OR2F1: variants seen among roughly 807,000 people sequenced by gnomAD.
OR2F1 encodes olfactory receptor 2F1.
For synonymous variants in OR2F1, 146 were observed against 155.3 expected, an observed-to-expected ratio of 0.94 and a Z score of 0.44; for missense variants, 389 against 378.2, an observed-to-expected ratio of 1.03 and a Z score of -0.24.
At chr7:143,959,844 C>G in intron 2 of OR2F1, 104 bp from the exon 3 acceptor site, 1 of 715,628 alleles carries the variant, frequency 1.4e-6, no homozygotes, top group East Asian at 2.6e-5. Flanking sequence ...AATAAATGAT[C>G]TAAAATACCT....
chr7:143,959,846 A>G (rs2050310535), intron 2 of OR2F1, 102 bp from the exon 3 acceptor site: 1 of 734,554 alleles, frequency 1.4e-6, no homozygotes, highest in East Asian at 2.6e-5. Flanking sequence ...TAAATGATCT[A>G]AAATACCTGC....
At chr7:143,956,718 T>A (rs2050288842) in intron 1 of OR2F1, among the ~76,000 whole-genome samples, 1 of 152,140 alleles carries the variant, frequency 6.6e-6, no homozygotes, top group Non-Finnish European at 1.5e-5. Flanking sequence ...GTATTTTATA[T>A]AATTAACTTG....
At chr7:143,955,576 T>A (rs145217587) in intron 1 of OR2F1, among the ~76,000 whole-genome samples, 62 of 152,292 alleles carry the variant, frequency 4.1e-4, no homozygotes, top group Non-Finnish European at 6.3e-4. Flanking sequence ...TATCACACAT[T>A]GTTTTCTATT....
At chr7:143,956,320 A>T (rs536240460) in intron 1 of OR2F1, among the ~76,000 whole-genome samples, 1 of 147,362 alleles carries the variant, frequency 6.8e-6, no homozygotes, top group African/African-American at 2.6e-5. Flanking sequence ...CATCTGGCTC[A>T]TACATATTTC....
chr7:143,958,098 T>C (rs570412695), intron 1 of OR2F1, among the ~76,000 whole-genome samples: 1 of 152,248 alleles, frequency 6.6e-6, no homozygotes, highest in South Asian at 2.1e-4. Flanking sequence ...GTCTTTTCCC[T>C]CATGATAGGT....
chr7:143,960,430 A>T lies in OR2F1; in HGVS notation c.460A>T (p.Ile154Phe), dbSNP rs1267678179. 1.9e-6 allele frequency: 3 copies of T among 1,614,168 alleles called. No homozygotes were observed. The highest frequency in any genetic ancestry group is 2.5e-6 in the Non-Finnish European group (3 of 1,180,040). Residue 154 changes from isoleucine (I) to phenylalanine (F), a missense_variant, in exon 3 of 3, where the codon ATC (isoleucine) becomes TTC (phenylalanine). Ile to Phe is a conservative substitution (Grantham distance 21). Coordinates refer to ENST00000641412, the MANE Select transcript of OR2F1 (RefSeq NM_012369.3). ...CATCACATCCTGGGTCAGTGGCTTC[A>T]TCAGCTCTCCTGTGCAGACTGCTAT... ...LAITSWVSGF[I>F]SSPVQTAITF...
chr7:143,960,598 C>T lies in OR2F1; in HGVS notation c.628C>T (p.Pro210Ser). ...GTCTAGCATTGTTCTTCTGATGACA[C>T]CCTTCTGCCTGGTTCTTTTGTCCTA... ...MVSSIVLLMT[P>S]FCLVLLSYIQ... Residue 210 changes from proline to serine, a missense_variant, in exon 3 of 3, where the codon CCC becomes TCC. Transcript: ENST00000641412. 1 of 1,614,200 alleles carries T rather than the reference C, an allele frequency of 6.2e-7. No individual in the cohort carries two copies. Among genetic ancestry groups the T allele is most frequent in the South Asian group, 1.1e-5 (1 of 91,082 alleles).
Position 143,960,101 on chromosome 7 carries a change from T to C in OR2F1, c.131T>C (p.Leu44Pro). 1.9e-6 allele frequency: 3 copies of C among 1,614,180 alleles called. No homozygotes were observed. The highest frequency in any genetic ancestry group is 1.1e-5 in the South Asian group (1 of 91,082). Residue 44 changes from leucine (L) to proline (P), a missense_variant, in exon 3 of 3, where the codon CTC (leucine) becomes CCC (proline). Transcript: ENST00000641412. ...GTGGTGACCGTGCTGGGGAACTGTCTCATTGTCCTTCTGATCAGACTGGAC... is the reference window on the plus strand; with the variant it reads ...GTGGTGACCGTGCTGGGGAACTGTCCCATTGTCCTTCTGATCAGACTGGAC... ...MYVVTVLGNC[L>P]IVLLIRLDSR...
chr7:143,960,599 C>A lies in OR2F1; in HGVS notation c.629C>A (p.Pro210His), dbSNP rs780001843. 1.5e-5 allele frequency: 24 copies of A among 1,614,038 alleles called. No individual in the cohort carries two copies. In the Admixed American group the frequency reaches 2.0e-4, roughly 13 times the overall value. The change falls in exon 3 of 3, where the codon CCC becomes CAC. Residue 210 changes from proline (P) to histidine (H), a missense_variant. Physicochemically the swap from Pro to His is moderately conservative, Grantham distance 77. Transcript: ENST00000641412. The part of the protein sequence containing the change: ...MVSSIVLLMT[P>H]FCLVLLSYIQ... ...TCTAGCATTGTTCTTCTGATGACAC[C>A]CTTCTGCCTGGTTCTTTTGTCCTAC... is the stretch of plus-strand genomic sequence containing the variant.
Position 143,960,831 on chromosome 7 carries a change from CA to C in OR2F1, c.862del (p.Met288Ter). 6.2e-7 allele frequency: 1 copy of C among 1,614,126 alleles called. No individual in the cohort carries two copies. Among genetic ancestry groups the C allele is most frequent in the Non-Finnish European group, 8.5e-7 (1 of 1,180,020 alleles). On this transcript the variant is annotated frameshift_variant, in exon 3 of 3. Coordinates refer to ENST00000641412, the MANE Select transcript of OR2F1 (RefSeq NM_012369.3). LOFTEE classifies it high-confidence loss of function. The stretch of plus-strand genomic sequence containing the variant: ...CCATTTTAACACCAATGCTGAACCC[CA>C]TGATTTACAGCCTAAGGAATAAAGA... ...YAILTPMLNP[M>X]IYSLRNKEVK...
intron 1 of OR2F1, 66 bp from the exon 2 acceptor site, chr7:143,958,887 C>T (rs186529263): frequency 2.6e-5 from 4 of 151,812 alleles, no homozygotes; most frequent in African/African-American, 4.8e-5. Context: ...TAGACATCTG[C>T]TTTCTCTTCC....
chr7:143,962,048 G>A lies in OR2F1; in HGVS notation c.*1124G>A, dbSNP rs1740664290. On this transcript the variant is annotated 3_prime_UTR_variant, in exon 3 of 3. Transcript: ENST00000641412. The stretch of plus-strand genomic sequence containing the variant: ...AAGGAGCATAACTGATGTAAAAGGA[G>A]AAGACATAATTGAAAAAGTGGAAAG... The A allele has an allele frequency of 6.6e-6, 1 of 152,188 alleles. No homozygotes were observed. Among genetic ancestry groups the A allele is most frequent in the South Asian group, 2.1e-4 (1 of 4,836 alleles). The allele number at this position is 152,188 out of a possible 1,614,324, so 9.4% of individuals were successfully genotyped here.
Position 143,960,055 on chromosome 7 carries a change from G to C in OR2F1, c.85G>C (p.Val29Leu). The change falls in exon 3 of 3, where the codon GTC (valine) becomes CTC (leucine). Residue 29 changes from valine (V) to leucine (L), a missense_variant. Transcript: ENST00000641412. ...CTGGGACACTCGGGTCTCCCTGTTT[G>C]TCCTGTTCTTGGTCATGTATGTGGT... Reference protein sequence around the residue: ...SDWDTRVSLFVLFLVMYVVTV... With the variant: ...SDWDTRVSLFLLFLVMYVVTV... 6.2e-7 allele frequency: 1 copy of C among 1,614,090 alleles called. No homozygotes were observed. Among genetic ancestry groups the C allele is most frequent in the Non-Finnish European group, 8.5e-7 (1 of 1,180,024 alleles).
In OR2F1 at chr7:143,964,252, T is replaced by C. The variant is rs1400638216; in HGVS notation, c.*3328T>C. The C allele has an allele frequency of 6.6e-6, 1 of 152,110 alleles. No homozygotes were observed. The highest frequency in any genetic ancestry group is 6.6e-5 in the Admixed American group (1 of 15,264). The allele number at this position is 152,110 out of a possible 1,614,324, so 9.4% of individuals were successfully genotyped here. ...CTAAACTTTATTGTTTATTTAGCCA[T>C]TAAATAGAAAAAATTTAAAAAGACA... On this transcript the variant is annotated 3_prime_UTR_variant, in exon 3 of 3. Coordinates refer to ENST00000641412, the MANE Select transcript of OR2F1 (RefSeq NM_012369.3).
intron 2 of OR2F1, 37 bp from the exon 3 acceptor site, chr7:143,959,901 CTTATAGTTAT>C: frequency 2.4e-6 from 3 of 1,251,604 alleles, no homozygotes; most frequent in Non-Finnish European, 3.4e-6. Flanking sequence ...ACAAGTAATT[CTTATAGTTAT>C]TCAACAGCTT....
intron 1 of OR2F1, among the ~76,000 whole-genome samples, chr7:143,956,791 G>A (rs2050289380): frequency 6.6e-6 from 1 of 152,064 alleles, no homozygotes; most frequent in African/African-American, 2.4e-5. Flanking sequence ...TACAAGTAAG[G>A]TCTGGCAACT....
Position 143,954,876 on chromosome 7 carries a change from A to G in OR2F1, c.-407A>G, listed in dbSNP as rs2050273384. 6.6e-6 allele frequency: 1 copy of G among 152,184 alleles called. No individual in the cohort carries two copies. Among genetic ancestry groups the G allele is most frequent in the African/African-American group, 2.4e-5 (1 of 41,460 alleles). 9.4% of individuals were successfully genotyped at this position (152,184 alleles called of 1,614,324 possible). ...AAAATAGATTCCATGGAATCAATGA[A>G]TTGATTTGCTTTACTAAAGAGAGAT... is the stretch of plus-strand genomic sequence containing the variant. On this transcript the variant is annotated 5_prime_UTR_variant, in exon 1 of 3. Transcript: ENST00000641412.
rs900189282 is a variant in OR2F1 at position 143,955,020 on chromosome 7, T to C, written c.-263T>C. On this transcript the variant is annotated 5_prime_UTR_variant, in exon 1 of 3. Coordinates refer to ENST00000641412, the MANE Select transcript of OR2F1 (RefSeq NM_012369.3). ...TCTTTGTCGTTGATAGAAGAATATTTCAGTCCTGATATTTGCTGTAACTAA... is the reference window on the plus strand; with the variant it reads ...TCTTTGTCGTTGATAGAAGAATATTCCAGTCCTGATATTTGCTGTAACTAA... 1 of 152,136 alleles carries C rather than the reference T, an allele frequency of 6.6e-6. No individual in the cohort carries two copies. The allele number at this position is 152,136 out of a possible 1,614,324, so 9.4% of individuals were successfully genotyped here.
At position 143,960,221 on chromosome 7, in the gene OR2F1, A is replaced by T; in HGVS notation, c.251A>T (p.His84Leu). 6.2e-7 allele frequency: 1 copy of T among 1,614,038 alleles called. No individual in the cohort carries two copies. The highest frequency in any genetic ancestry group is 8.5e-7 in the Non-Finnish European group (1 of 1,180,016). The change falls in exon 3 of 3, where the codon CAT (histidine) becomes CTT (leucine). Residue 84 changes from histidine (H) to leucine (L), a missense_variant. Physicochemically the swap from His to Leu is moderately conservative, Grantham distance 99. Transcript: ENST00000641412. The stretch of plus-strand genomic sequence containing the variant: ...AGTGTAGTCCCTCAGCTGCTGGCAC[A>T]TTTTCTTGCAGAACATAAAGCCATC... ...ATSVVPQLLA[H>L]FLAEHKAIPF...
Sources: gnomAD v4.1 joint callset for allele counts (sites outside exome capture counted in the v4.1 genomes callset) on GRCh38, gnomAD v4.1.1 for gene constraint, MANE v1.5 for transcripts, NCBI Gene and HGNC (gene_info 2026-07-23, HGNC 2026-07-21) for gene names.